SMIM13: variants seen among roughly 807,000 people sequenced by gnomAD.
The protein encoded by SMIM13 is UPF0766 protein C6orf228.
A neutral mutation model predicts 5.9 loss-of-function variants in SMIM13; 3 were observed. The ratio of observed to expected loss-of-function variants is 0.51; its 90% CI spans 0.23 to 1.31. The LOEUF is 1.31. SMIM13 is among the 40% of genes most tolerant of loss of function. The pLI, the probability that SMIM13 is intolerant of heterozygous loss-of-function variation, is 0.18. For synonymous variants in SMIM13, 55 were observed against 46.0 expected (o/e 1.19, Z -0.79); for missense variants, 85 against 109.9 (o/e 0.77, Z 1.01).
At chr6:11,114,902 A>AT (rs1206958228) in intron 1 of SMIM13, among the ~76,000 whole-genome samples, 1 of 151,762 alleles carries the variant, frequency 6.6e-6, no homozygotes, top group Non-Finnish European at 1.5e-5. Context: ...GCCCGGCTGT[A>AT]TTTTTTCTCT....
chr6:11,095,647 C>T (rs775904596), intron 1 of SMIM13, among the ~76,000 whole-genome samples: 2 of 152,206 alleles, frequency 1.3e-5, no homozygotes, highest in Admixed American at 6.5e-5. Context: ...TCACTGCATC[C>T]GGCCTTGTAT....
intron 1 of SMIM13, chr6:11,103,091 T>C (rs1758019738): frequency 6.6e-6 from 1 of 152,460 alleles, no homozygotes; most frequent in South Asian, 2.1e-4. Flanking sequence ...AGGGGACGCA[T>C]GTGCAGTGTT....
At chr6:11,099,681 A>G (rs574660676) in intron 1 of SMIM13, among the ~76,000 whole-genome samples, 1 of 152,356 alleles carries the variant, frequency 6.6e-6, no homozygotes, top group South Asian at 2.1e-4. Flanking sequence ...AACACCTGAT[A>G]TGCCCAATGG....
At chr6:11,130,547 A>G (rs559544842) in intron 1 of SMIM13, among the ~76,000 whole-genome samples, 5 of 152,146 alleles carry the variant, frequency 3.3e-5, no homozygotes, top group Admixed American at 6.6e-5. Context: ...GGGAGTGGTG[A>G]TAGTAGCCAT....
Position 11,136,474 on chromosome 6 carries a change from T to C in SMIM13, c.*1872T>C, listed in dbSNP as rs1043154656. On this transcript the variant is annotated 3_prime_UTR_variant, in exon 2 of 2. Transcript: ENST00000416247. ...TCACAAAATATCTATTTAACCTCTATTTTATGATGGTGTGTTATTATGTTT... is the reference window on the plus strand; with the variant it reads ...TCACAAAATATCTATTTAACCTCTACTTTATGATGGTGTGTTATTATGTTT... 2 of 152,224 alleles carry C rather than the reference T, an allele frequency of 1.3e-5. No individual in the cohort carries two copies. The highest frequency in any genetic ancestry group is 6.5e-5 in the Admixed American group (1 of 15,276). 9.4% of individuals were successfully genotyped at this position (152,224 alleles called of 1,614,324 possible). A position where few individuals can be genotyped will look rare whatever the true frequency, so the allele number is the denominator to read the frequency against.
intron 1 of SMIM13, among the ~76,000 whole-genome samples, chr6:11,098,106 A>G (rs1757947922): frequency 6.6e-6 from 1 of 152,180 alleles, no homozygotes. Flanking sequence ...GGAACTGGGA[A>G]CACAGTTCCT....
At chr6:11,111,535 C>T (rs1233193616) in intron 1 of SMIM13, 2 of 152,826 alleles carry the variant, frequency 1.3e-5, no homozygotes, top group Non-Finnish European at 2.9e-5. Context: ...GAGAGAGCAG[C>T]CAGGGGGAGC....
At chr6:11,101,815 C>G (rs889441214) in intron 1 of SMIM13, among the ~76,000 whole-genome samples, 1 of 151,168 alleles carries the variant, frequency 6.6e-6, no homozygotes, top group Admixed American at 6.6e-5. Context: ...TTGCCGCTCA[C>G]TGCAACTTCC....
chr6:11,127,709 A>G (rs1012079506), intron 1 of SMIM13, among the ~76,000 whole-genome samples: 2 of 152,188 alleles, frequency 1.3e-5, no homozygotes, highest in African/African-American at 4.8e-5. Flanking sequence ...GGAGAACAGT[A>G]TGGGGGAAAC....
chr6:11,117,142 C>T (rs1360773291), intron 1 of SMIM13, among the ~76,000 whole-genome samples: 1 of 148,184 alleles, frequency 6.7e-6, no homozygotes, highest in Non-Finnish European at 1.5e-5. Flanking sequence ...AGGTGCCTGC[C>T]ACCACGCCCG....
chr6:11,101,122 T>C (rs1757986276), intron 1 of SMIM13, among the ~76,000 whole-genome samples: 1 of 152,042 alleles, frequency 6.6e-6, no homozygotes, highest in Non-Finnish European at 1.5e-5. Flanking sequence ...TCTTTTTATC[T>C]CCTAATTCCC....
intron 1 of SMIM13, among the ~76,000 whole-genome samples, chr6:11,128,573 C>T (rs550014383): frequency 6.6e-6 from 1 of 152,252 alleles, no homozygotes; most frequent in East Asian, 1.9e-4. Flanking sequence ...TGGCTCCAAG[C>T]CCATCCTAGC....
chr6:11,135,176 A>G lies in SMIM13; in HGVS notation c.*574A>G, dbSNP rs892408185. 1.3e-5 allele frequency: 2 copies of G among 152,620 alleles called. No individual in the cohort carries two copies. The highest frequency in any genetic ancestry group is 4.8e-5 in the African/African-American group (2 of 41,428). 9.5% of individuals were successfully genotyped at this position (152,620 alleles called of 1,614,324 possible). On this transcript the variant is annotated 3_prime_UTR_variant, in exon 2 of 2. Coordinates refer to ENST00000416247, the MANE Select transcript of SMIM13 (RefSeq NM_001135575.2). ...CGAAAAGTTATTGTGTATGCAGAAA[A>G]GCATGGAAACAGAGCAGCAGGGCGT... is the stretch of plus-strand genomic sequence containing the variant.
chr6:11,113,254 T>G (rs191639195), intron 1 of SMIM13, among the ~76,000 whole-genome samples: 1 of 152,268 alleles, frequency 6.6e-6, no homozygotes, highest in Non-Finnish European at 1.5e-5. Context: ...CCAGCAGTCA[T>G]GAGTGAGAAT....
chr6:11,123,066 A>C lies in SMIM13; in HGVS notation c.77-11337A>C, dbSNP rs114943873. 1.8e-3 allele frequency among the ~76,000 whole-genome samples: 271 copies of C among 152,132 alleles called. 1 individual carries two copies. Among genetic ancestry groups the C allele is most frequent in the Admixed American group, 4.5e-3 (69 of 15,284 alleles). ...CTACAGTAAATAAATAAAAACATCC[A>C]TGTCCTCTCAGGGATAGGCCCTATA... On this transcript the variant is annotated intron_variant, in intron 1 of 1. Coordinates refer to ENST00000416247, the MANE Select transcript of SMIM13 (RefSeq NM_001135575.2).
chr6:11,094,980 G>T (rs1443293177), intron 1 of SMIM13, among the ~76,000 whole-genome samples: 10 of 152,148 alleles, frequency 6.6e-5, no homozygotes, highest in Non-Finnish European at 1.5e-4. Context: ...CGAATGCTGT[G>T]CGTATTTTCC....
At chr6:11,121,161 T>C (rs1326144308) in intron 1 of SMIM13, among the ~76,000 whole-genome samples, 1 of 152,210 alleles carries the variant, frequency 6.6e-6, no homozygotes, top group Admixed American at 6.5e-5. Context: ...ATAAACTTCC[T>C]TTTAAGCTGA....
chr6:11,116,088 G>T (rs1758236329), intron 1 of SMIM13, among the ~76,000 whole-genome samples: 1 of 124,680 alleles, frequency 8.0e-6, no homozygotes, highest in Non-Finnish European at 1.6e-5. Flanking sequence ...TGTGATCTCT[G>T]CCCACTGCAA....
chr6:11,113,384 A>G (rs1209813171), intron 1 of SMIM13, among the ~76,000 whole-genome samples: 1 of 152,174 alleles, frequency 6.6e-6, no homozygotes, highest in Non-Finnish European at 1.5e-5. Context: ...TATTTTCAGC[A>G]TCTTTTATGT....
Sources: gnomAD v4.1 joint callset for allele counts (sites outside exome capture counted in the v4.1 genomes callset) on GRCh38, gnomAD v4.1.1 for gene constraint, MANE v1.5 for transcripts, NCBI Gene and HGNC (gene_info 2026-07-23, HGNC 2026-07-21) for gene names.